Variants in LCP2 observed in about 807,000 individuals in gnomAD.
The protein encoded by LCP2 is 76 kDa tyrosine phosphoprotein.
LCP2 carries 29 observed loss-of-function variants against 74.5 expected under a neutral mutation model. The observed-to-expected ratio is 0.39, with a 90% CI of 0.29 to 0.53. LCP2 has a LOEUF of 0.53. Ranked by LOEUF, LCP2 falls within the 20% of genes least tolerant of loss-of-function variation. The pLI, the probability that LCP2 is intolerant of heterozygous loss-of-function variation, is 0.72. For missense variants in LCP2, 604 were observed against 634.6 expected (o/e 0.95, Z 0.52); for synonymous variants, 228 against 229.5 (o/e 0.99, Z 0.06).
In LCP2 at chr5:170,297,494, G is replaced by C. The variant is rs1006271489; in HGVS notation, c.78+40C>G. ...CAAGCCTCAGCTCAGCCCACCAAGGGCACTAGCATCATGACCATTCACACA... is the reference window on the plus strand; with the variant it reads ...CAAGCCTCAGCTCAGCCCACCAAGGCCACTAGCATCATGACCATTCACACA... On this transcript the variant is annotated intron_variant, in intron 1 of 20. Transcript: ENST00000046794. The C allele has an allele frequency of 3.2e-6, 5 of 1,561,680 alleles. No homozygotes were observed. The African/African-American group carries it at 6.8e-5, about 21-fold the overall frequency.
At chr5:170,278,667 T>A (rs1477808890) in intron 3 of LCP2, among the ~76,000 whole-genome samples, 1 of 152,056 alleles carries the variant, frequency 6.6e-6, no homozygotes, top group Non-Finnish European at 1.5e-5. Context: ...TCTGACCAGC[T>A]CACAAGGCTG....
intron 3 of LCP2, among the ~76,000 whole-genome samples, chr5:170,286,512 C>T (rs1396613602): frequency 2.0e-5 from 3 of 152,224 alleles, no homozygotes; most frequent in Non-Finnish European, 4.4e-5. Context: ...TATATCTGCA[C>T]TCTCCAGCAT....
chr5:170,281,319 C>A (rs138878386), intron 3 of LCP2, among the ~76,000 whole-genome samples: 7 of 151,948 alleles, frequency 4.6e-5, no homozygotes, highest in South Asian at 2.1e-4. Context: ...TTGCTCTGTC[C>A]CCCAGGCTGG....
At chr5:170,277,967 T>A (rs1285127177) in intron 3 of LCP2, among the ~76,000 whole-genome samples, 1 of 151,902 alleles carries the variant, frequency 6.6e-6, no homozygotes, top group African/African-American at 2.4e-5. Flanking sequence ...GGCTTCCTAG[T>A]TGCCTCCTGA....
At chr5:170,289,131 A>T (rs906581729) in intron 2 of LCP2, among the ~76,000 whole-genome samples, 2 of 152,162 alleles carry the variant, frequency 1.3e-5, no homozygotes, top group Non-Finnish European at 2.9e-5. Flanking sequence ...CTTATCTGTA[A>T]AATGGGGACC....
rs373339427 is a variant in LCP2, at chr5:170,270,830, G to C, written c.412C>G (p.Pro138Ala). 14 of 1,611,800 alleles carry C rather than the reference G, an allele frequency of 8.7e-6. No homozygotes were observed. The African/African-American group carries it at 1.9e-4, about 22-fold the overall frequency. Residue 138 changes from proline (P) to alanine (A), a missense_variant, in exon 7 of 21, where the codon CCC becomes GCC. Pro to Ala is a conservative substitution (Grantham distance 27). Transcript: ENST00000046794. Reference protein sequence around the residue: ...YESPNEEEEAPVEDDADYEPP... With the variant: ...YESPNEEEEAAVEDDADYEPP... ...TCATAATCCGCGTCATCTTCCACGG[G>C]TGCCTCTTCCTCCTCATTGGGGGAC...
In LCP2 at chr5:170,275,165, T is replaced by C. The variant is rs2271147; in HGVS notation, c.286+155A>G. On this transcript the variant is annotated intron_variant, in intron 5 of 20. Transcript: ENST00000046794. Reference sequence around the variant, plus strand: ...AGAGCAAGATCTCCTCCCCTCCATCTAGACCCAAACCCTTTTCTGGGTAAG... The same window carrying C: ...AGAGCAAGATCTCCTCCCCTCCATCCAGACCCAAACCCTTTTCTGGGTAAG... Among the ~76,000 whole-genome samples the C allele has an allele frequency of 2.7e-3, 410 of 152,182 alleles. 11 individuals carry two copies. In the East Asian group the frequency reaches 0.062, roughly 23 times the overall value.
intron 7 of LCP2, 53 bp from the exon 8 acceptor site, chr5:170,268,535 G>C (rs772999263): frequency 2.4e-5 from 5 of 212,094 alleles, no homozygotes; most frequent in Non-Finnish European, 5.4e-5. Context: ...CCAAGCTCAG[G>C]GGTCTCCAGG....
chr5:170,279,629 G>A lies in LCP2; in HGVS notation c.189-3769C>T, dbSNP rs539473157. 1.6e-3 allele frequency among the ~76,000 whole-genome samples: 239 copies of A among 152,278 alleles called. 1 individual carries two copies. Among genetic ancestry groups the A allele is most frequent in the Middle Eastern group, 3.4e-3 (1 of 294 alleles). ...AGCCTGAGGCTCAGTGACATCAACCGGCCCCCACGTGATTTTTATTATCAT... is the reference window on the plus strand; with the variant it reads ...AGCCTGAGGCTCAGTGACATCAACCAGCCCCCACGTGATTTTTATTATCAT... On this transcript the variant is annotated intron_variant, in intron 3 of 20. Transcript: ENST00000046794.
intron 3 of LCP2, among the ~76,000 whole-genome samples, chr5:170,278,568 C>T (rs1224979042): frequency 6.6e-6 from 1 of 151,530 alleles, no homozygotes; most frequent in African/African-American, 2.4e-5. Flanking sequence ...GATCAGGCCT[C>T]ACTGAAGAGG....
At chr5:170,289,683 C>CTCTT (rs1280949718) in intron 2 of LCP2, among the ~76,000 whole-genome samples, 3 of 133,914 alleles carry the variant, frequency 2.2e-5, no homozygotes, top group African/African-American at 8.4e-5. Flanking sequence ...CTCTCTCTCT[C>CTCTT]TCTTTCTTTC....
At chr5:170,267,442 T>C (rs1761787053) in intron 8 of LCP2, 1 of 277,694 alleles carries the variant, frequency 3.6e-6, no homozygotes, top group Non-Finnish European at 7.0e-6. Context: ...GTCCCTACCA[T>C]AGAATCTTCT....
rs920284900 is a variant in LCP2 at position 170,248,182 on chromosome 5, A to G, written c.*515T>C. ...AAATGCCCCCAGGAAAAAATACTAA[A>G]TAAGAGTGAAATTATATTTTTGAAG... On this transcript the variant is annotated 3_prime_UTR_variant, in exon 21 of 21. Coordinates refer to ENST00000046794, the MANE Select transcript of LCP2 (RefSeq NM_005565.5). 2.6e-5 allele frequency: 4 copies of G among 152,702 alleles called. No individual in the cohort carries two copies. Among genetic ancestry groups the G allele is most frequent in the African/African-American group, 9.6e-5 (4 of 41,468 alleles). The allele number at this position is 152,702 out of a possible 1,614,324, so 9.5% of individuals were successfully genotyped here. A position where few individuals can be genotyped will look rare whatever the true frequency, so the allele number is the denominator to read the frequency against.
In LCP2 at chr5:170,247,438, G is replaced by A. The variant is rs1231414451; in HGVS notation, c.*1259C>T. Reference sequence around the variant, plus strand: ...TTTATTAGCTCATGAAAATGAAGCTGCAAGATACTCTTTTCCATTTCGAAA... The same window carrying A: ...TTTATTAGCTCATGAAAATGAAGCTACAAGATACTCTTTTCCATTTCGAAA... On this transcript the variant is annotated 3_prime_UTR_variant, in exon 21 of 21. Coordinates refer to ENST00000046794, the MANE Select transcript of LCP2 (RefSeq NM_005565.5). 3 of 152,220 alleles carry A rather than the reference G, an allele frequency of 2.0e-5. No homozygotes were observed. Among genetic ancestry groups the A allele is most frequent in the Non-Finnish European group, 1.5e-5 (1 of 68,048 alleles). The allele number at this position is 152,220 out of a possible 1,614,324, so 9.4% of individuals were successfully genotyped here.
chr5:170,288,653 A>T (rs1762225666), intron 2 of LCP2, among the ~76,000 whole-genome samples: 1 of 152,220 alleles, frequency 6.6e-6, no homozygotes. Flanking sequence ...CAACTCTGTG[A>T]TGCAGGAGTT....
intron 2 of LCP2, among the ~76,000 whole-genome samples, chr5:170,288,799 T>C (rs1355379198): frequency 1.3e-5 from 2 of 152,166 alleles, no homozygotes; most frequent in Non-Finnish European, 2.9e-5. Context: ...CAAACCTCCA[T>C]CCTACCACGT....
chr5:170,263,075 G>C (rs1313315120), intron 10 of LCP2, 83 bp from the exon 11 acceptor site: 2 of 1,495,492 alleles, frequency 1.3e-6, no homozygotes, highest in Non-Finnish European at 9.2e-7. Flanking sequence ...ATGAAACTAT[G>C]AGTCTGAACC....
At position 170,252,854 on chromosome 5, in the gene LCP2, G is replaced by A. The variant is rs1036815617; in HGVS notation, c.1245+265C>T. Among the ~76,000 whole-genome samples, 4 of 152,134 alleles carry A rather than the reference G, an allele frequency of 2.6e-5. 1 individual carries two copies. The highest frequency in any genetic ancestry group is 4.1e-4 in the South Asian group (2 of 4,830). ...ATGGGTTATTGAGCAGTTAAGTGAC[G>A]AATCAAGGTCATAAACATAAAAAAC... On this transcript the variant is annotated intron_variant, in intron 18 of 20. Coordinates refer to ENST00000046794, the MANE Select transcript of LCP2 (RefSeq NM_005565.5).
At chr5:170,292,019 T>C (rs1184021145) in intron 2 of LCP2, among the ~76,000 whole-genome samples, 1 of 152,146 alleles carries the variant, frequency 6.6e-6, no homozygotes, top group Non-Finnish European at 1.5e-5. Context: ...ATAGAACAAA[T>C]CACATCACAG....
Sources: allele counts gnomAD v4.1 joint callset (sites outside exome capture counted in the v4.1 genomes callset), GRCh38; gene constraint gnomAD v4.1.1; transcripts MANE v1.5; gene names NCBI Gene and HGNC (gene_info 2026-07-23, HGNC 2026-07-21).